The following ARID2 variants were observed in gnomAD, a reference collection of about 807,000 sequenced individuals.
The protein encoded by ARID2 is AT-rich interactive domain-containing protein 2.
A neutral mutation model predicts 184.6 loss-of-function variants in ARID2; 32 were observed. The observed-to-expected ratio is 0.17, with a 90% CI of 0.13 to 0.23. ARID2 has a LOEUF of 0.23. Ranked by LOEUF, ARID2 falls within the 10% of genes least tolerant of loss-of-function variation. ARID2 has a pLI of 1.00. For synonymous variants in ARID2, 836 were observed against 772.6 expected (o/e 1.08, Z -1.36); for missense variants, 1,696 against 2,197.6 (o/e 0.77, Z 4.56).
intron 6 of ARID2, among the ~76,000 whole-genome samples, chr12:45,835,075 C>T (rs1335993408): frequency 6.6e-6 from 1 of 152,078 alleles, no homozygotes; most frequent in East Asian, 1.9e-4. Flanking sequence ...CTTTATACTT[C>T]AAACTTATTT....
At chr12:45,844,589 T>G (rs1433808642) in intron 11 of ARID2, among the ~76,000 whole-genome samples, 1 of 152,226 alleles carries the variant, frequency 6.6e-6, no homozygotes, top group Non-Finnish European at 1.5e-5. Context: ...TCATGGATAC[T>G]AATGTTTCTA....
intron 15 of ARID2, among the ~76,000 whole-genome samples, chr12:45,856,018 A>G (rs947238789): frequency 6.6e-6 from 1 of 151,560 alleles, no homozygotes; most frequent in Non-Finnish European, 1.5e-5. Flanking sequence ...GGTGTGAGCC[A>G]ACAGACCTGG....
intron 3 of ARID2, among the ~76,000 whole-genome samples, chr12:45,760,325 T>G (rs748037249): frequency 6.6e-6 from 1 of 152,236 alleles, no homozygotes; most frequent in Non-Finnish European, 1.5e-5. Flanking sequence ...TTTATGTTTA[T>G]TGTGATGTCA....
intron 16 of ARID2, among the ~76,000 whole-genome samples, chr12:45,863,952 C>T (rs1269667527): frequency 1.3e-5 from 2 of 150,020 alleles, no homozygotes; most frequent in African/African-American, 4.9e-5. Context: ...GTCTTGTGAG[C>T]TCAAGCCATC....
chr12:45,754,183 T>TGGC (rs1941520078), intron 3 of ARID2, among the ~76,000 whole-genome samples: 1 of 152,134 alleles, frequency 6.6e-6, no homozygotes, highest in Non-Finnish European at 1.5e-5. Context: ...AATGCATAAG[T>TGGC]AATAGTATCA....
At chr12:45,840,992 G>A (rs1943333183) in intron 11 of ARID2, 1 of 152,144 alleles carries the variant, frequency 6.6e-6, no homozygotes, top group Non-Finnish European at 1.5e-5. Flanking sequence ...ATGTTAAACA[G>A]CCGATTTATA....
chr12:45,764,717 G>A (rs1941741103), intron 3 of ARID2, among the ~76,000 whole-genome samples: 1 of 152,182 alleles, frequency 6.6e-6, no homozygotes, highest in South Asian at 2.1e-4. Flanking sequence ...GTTAAGTAGT[G>A]TTCTGTTGTG....
chr12:45,893,354 A>C, intron 18 of ARID2, 66 bp from the exon 19 acceptor site: 1 of 1,526,634 alleles, frequency 6.6e-7, no homozygotes, highest in Non-Finnish European at 8.8e-7. Context: ...CAGGGTGGTC[A>C]TAGTTGTCAG....
chr12:45,780,034 A>G (rs578157166), intron 3 of ARID2, among the ~76,000 whole-genome samples: 1 of 152,204 alleles, frequency 6.6e-6, no homozygotes, highest in East Asian at 1.9e-4. Context: ...AAGGATTGTG[A>G]AAGTTAATAC....
chr12:45,886,343 G>A (rs1238352869), intron 16 of ARID2, among the ~76,000 whole-genome samples: 2 of 152,222 alleles, frequency 1.3e-5, no homozygotes, highest in Non-Finnish European at 1.5e-5. Context: ...ACAGCCTTGC[G>A]CAGCTCCACC....
chr12:45,861,264 C>T (rs535799482), intron 16 of ARID2, among the ~76,000 whole-genome samples: 5 of 151,934 alleles, frequency 3.3e-5, no homozygotes, highest in East Asian at 3.9e-4. Flanking sequence ...TTGTTTTTGT[C>T]GTTTTTAAGT....
intron 6 of ARID2, among the ~76,000 whole-genome samples, chr12:45,835,615 T>A (rs1943205707): frequency 6.6e-6 from 1 of 152,144 alleles, no homozygotes; most frequent in South Asian, 2.1e-4. Flanking sequence ...AATGTCAGAT[T>A]TCCAGGCCGG....
intron 3 of ARID2, among the ~76,000 whole-genome samples, chr12:45,784,794 C>G (rs549620769): frequency 6.6e-6 from 1 of 152,332 alleles, no homozygotes; most frequent in East Asian, 1.9e-4. Context: ...AGGCAGACCA[C>G]ATACGAAGAA....
At chr12:45,862,832 CT>C (rs1943771163) in intron 16 of ARID2, among the ~76,000 whole-genome samples, 1 of 152,108 alleles carries the variant, frequency 6.6e-6, no homozygotes, top group Non-Finnish European at 1.5e-5. Context: ...GATGATTTAC[CT>C]TTTTCTTGCT....
intron 3 of ARID2, among the ~76,000 whole-genome samples, chr12:45,781,685 C>T (rs567657188): frequency 2.0e-5 from 3 of 152,008 alleles, no homozygotes; most frequent in African/African-American, 7.2e-5. Flanking sequence ...CTGAATTTCC[C>T]AGGGCTGTAT....
intron 3 of ARID2, among the ~76,000 whole-genome samples, chr12:45,768,223 A>T (rs75788015): frequency 2.7e-5 from 4 of 150,520 alleles, no homozygotes; most frequent in Admixed American, 2.0e-4. Flanking sequence ...TTTTTTTTTT[A>T]GTGGCCTGTT....
At chr12:45,857,986 C>T (rs1324508992) in intron 15 of ARID2, among the ~76,000 whole-genome samples, 1 of 152,224 alleles carries the variant, frequency 6.6e-6, no homozygotes, top group Admixed American at 6.5e-5. Context: ...TCTCAAACTC[C>T]TGGGCTCAAG....
intron 3 of ARID2, among the ~76,000 whole-genome samples, chr12:45,805,427 C>A (rs568054307): frequency 1.1e-4 from 17 of 152,000 alleles, no homozygotes; most frequent in Non-Finnish European, 1.5e-4. Context: ...CTTGAAAATT[C>A]AGATGAGGAG....
intron 3 of ARID2, among the ~76,000 whole-genome samples, chr12:45,802,160 G>C (rs147240784): frequency 7.4e-6 from 1 of 134,822 alleles, no homozygotes; most frequent in Non-Finnish European, 1.5e-5. Context: ...TCAACCTTCC[G>C]GGCTTAAGTG....
Sources: gnomAD v4.1 joint callset for allele counts (sites outside exome capture counted in the v4.1 genomes callset) on GRCh38, gnomAD v4.1.1 for gene constraint, MANE v1.5 for transcripts, NCBI Gene and HGNC (gene_info 2026-07-23, HGNC 2026-07-21) for gene names.